Variants in GUSB observed in about 807,000 individuals in gnomAD.
GUSB encodes glucuronidase beta.
A neutral mutation model predicts 74.6 loss-of-function variants in GUSB; 51 were observed. That is an observed-to-expected ratio of 0.68 (90% CI 0.55 to 0.86). The LOEUF is 0.86. Among genes scored for constraint, GUSB ranks in the 40% least tolerant of loss-of-function variants. The pLI, the probability that GUSB is intolerant of heterozygous loss-of-function variation, is 0.00. For synonymous variants in GUSB, 360 were observed against 348.3 expected (o/e 1.03, Z -0.37); for missense variants, 736 against 853.7 (o/e 0.86, Z 1.72).
chr7:65,965,779 C>A (rs1268360092), intron 10 of GUSB, among the ~76,000 whole-genome samples: 1 of 152,164 alleles, frequency 6.6e-6, no homozygotes, highest in Non-Finnish European at 1.5e-5. Context: ...CTGACCTTGG[C>A]CTCCCAAAGT....
At chr7:65,973,055 G>A (rs1286339442) in intron 8 of GUSB, among the ~76,000 whole-genome samples, 2 of 152,222 alleles carry the variant, frequency 1.3e-5, no homozygotes, top group Non-Finnish European at 2.9e-5. Flanking sequence ...AGGGGGCCAG[G>A]TGTGGTGGTT....
intron 10 of GUSB, among the ~76,000 whole-genome samples, chr7:65,965,062 C>T (rs181502657): frequency 0.03 from 4,502 of 150,428 alleles, 102 homozygotes; most frequent in Middle Eastern, 0.053. Flanking sequence ...CAGTGAGACC[C>T]TGTCTCTAAT....
intron 11 of GUSB, 87 bp downstream of exon 11, chr7:65,964,236 T>A: frequency 8.6e-7 from 1 of 1,164,132 alleles, no homozygotes; most frequent in East Asian, 2.3e-5. Flanking sequence ...TTTCCAATAT[T>A]CTTACAATTG....
intron 1 of GUSB, 127 bp from the exon 2 acceptor site, chr7:65,980,536 A>G (rs569891736): frequency 1.1e-6 from 1 of 872,282 alleles, no homozygotes; most frequent in East Asian, 2.7e-5. Flanking sequence ...GGCAGAAAGG[A>G]CAGATAACTT....
chr7:65,970,374 C>T lies in GUSB; in HGVS notation c.1392-8G>A, dbSNP rs1241978644. On this transcript the variant is annotated splice_region_variant and splice_polypyrimidine_tract_variant and intron_variant, in intron 8 of 11. Coordinates refer to ENST00000304895, the MANE Select transcript of GUSB (RefSeq NM_000181.4). The stretch of plus-strand genomic sequence containing the variant: ...GTGTGAGCGATCACCATCCTGTCCA[C>T]AAAAGGCAGAAGAAACAGGTTCCAT... 1.2e-6 allele frequency: 2 copies of T among 1,604,310 alleles called. No homozygotes were observed. The highest frequency in any genetic ancestry group is 4.5e-5 in the East Asian group (2 of 44,774).
intron 4 of GUSB, 36 bp downstream of exon 4, chr7:65,979,362 TG>T: frequency 6.4e-7 from 1 of 1,564,524 alleles, no homozygotes; most frequent in Non-Finnish European, 8.7e-7. Context: ...AGAGCCACCC[TG>T]GGCCCCGCTG....
chr7:65,978,899 G>T (rs1209201013), intron 4 of GUSB, among the ~76,000 whole-genome samples: 4 of 152,118 alleles, frequency 2.6e-5, no homozygotes, highest in Non-Finnish European at 5.9e-5. Flanking sequence ...TGCCTCAGCA[G>T]CTGGGACTAC....
Position 65,979,750 on chromosome 7 carries a change from G to T in GUSB, c.558C>A (p.Ile186=). Residue 186 remains isoleucine, a synonymous_variant, in exon 3 of 12, where the codon ATC becomes ATA. Transcript: ENST00000304895. The part of the protein sequence containing the change: ...LTPTTLPPGT[I]QYLTDTSKYP... ...ACTTGGAGGTGTCAGTCAGGTATTG[G>T]ATGGTCCCTGGTGGCAGGGTGGTGG... The T allele has an allele frequency of 6.2e-7, 1 of 1,613,852 alleles. No homozygotes were observed. Among genetic ancestry groups the T allele is most frequent in the Non-Finnish European group, 8.5e-7 (1 of 1,180,004 alleles).
At chr7:65,972,530 C>T (rs1325271452) in intron 8 of GUSB, among the ~76,000 whole-genome samples, 1 of 152,100 alleles carries the variant, frequency 6.6e-6, no homozygotes, top group African/African-American at 2.4e-5. Context: ...TACGCCCTCC[C>T]CCATCATTGC....
intron 11 of GUSB, among the ~76,000 whole-genome samples, chr7:65,963,917 CAAGT>C (rs1248181544): frequency 1.3e-5 from 2 of 152,164 alleles, no homozygotes; most frequent in African/African-American, 2.4e-5. Context: ...CTGCTTTTCG[CAAGT>C]AATATACAAC....
intron 2 of GUSB, 78 bp from the exon 3 acceptor site, chr7:65,979,989 C>A: frequency 8.2e-7 from 1 of 1,224,622 alleles, no homozygotes; most frequent in Non-Finnish European, 1.2e-6. Context: ...CACTCCCTCA[C>A]ATAACCTGCA....
chr7:65,967,938 A>C (rs767814273), intron 9 of GUSB, 31 bp from the exon 10 acceptor site: 3 of 1,579,982 alleles, frequency 1.9e-6, no homozygotes, highest in South Asian at 2.2e-5. Context: ...CCCGTTCAGC[A>C]CTCAGTAGAC....
chr7:65,974,946 G>A lies in GUSB; in HGVS notation c.1038C>T (p.His346=), dbSNP rs773187021. 5.6e-6 allele frequency: 9 copies of A among 1,613,754 alleles called. No individual in the cohort carries two copies. Among genetic ancestry groups the A allele is most frequent in the East Asian group, 2.2e-5 (1 of 44,890 alleles). The part of the protein sequence containing the change: ...FLINGKPFYF[H]GVNKHEDADI... ...CCGCATCCTCATGCTTGTTGACACC[G>A]TGGAAATAGAAAGGTTTCCCATTGA... Residue 346 remains histidine, a synonymous_variant, in exon 6 of 12, where the codon CAC becomes CAT. Coordinates refer to ENST00000304895, the MANE Select transcript of GUSB (RefSeq NM_000181.4).
At position 65,960,767 on chromosome 7, in the gene GUSB, T is replaced by G. The variant is rs893612668; in HGVS notation, c.*130A>C. On this transcript the variant is annotated 3_prime_UTR_variant, in exon 12 of 12. Transcript: ENST00000304895. ...CCACCTTTAGTGTTCCCTGCTAGAA[T>G]AGATGACCACAAAACCCAGGCCAGA... 7.7e-6 allele frequency: 6 copies of G among 784,178 alleles called. No individual in the cohort carries two copies. In the African/African-American group the frequency reaches 1.0e-4, roughly 13 times the overall value. 48.6% of individuals were successfully genotyped at this position (784,178 alleles called of 1,614,324 possible). A position where few individuals can be genotyped will look rare whatever the true frequency, so the allele number is the denominator to read the frequency against.
intron 1 of GUSB, chr7:65,980,762 C>G: frequency 2.6e-6 from 1 of 383,900 alleles, no homozygotes; most frequent in South Asian, 2.2e-5. Flanking sequence ...ATGGGGGGAG[C>G]TTTGCTTAGG....
chr7:65,962,431 A>G (rs1373064222), intron 11 of GUSB, among the ~76,000 whole-genome samples: 2 of 152,252 alleles, frequency 1.3e-5, no homozygotes, highest in African/African-American at 4.8e-5. Flanking sequence ...TGTTTCTTCC[A>G]TAAGTGAACA....
At chr7:65,967,575 G>A (rs1790917841) in intron 10 of GUSB, among the ~76,000 whole-genome samples, 156 bp downstream of exon 10, 1 of 152,186 alleles carries the variant, frequency 6.6e-6, no homozygotes, top group Non-Finnish European at 1.5e-5. Context: ...GCACAGGCCT[G>A]GCTGTTGGCG....
rs776242697 is a variant in GUSB at position 65,967,740 on chromosome 7, C to T, written c.1644G>A (p.Gly548=). The T allele has an allele frequency of 1.9e-6, 3 of 1,613,484 alleles. No individual in the cohort carries two copies. Among genetic ancestry groups the T allele is most frequent in the Non-Finnish European group, 2.5e-6 (3 of 1,179,744 alleles). The change falls in exon 10 of 12, where the codon GGG becomes GGA. Residue 548 remains glycine, a synonymous_variant. Coordinates refer to ENST00000304895, the MANE Select transcript of GUSB (RefSeq NM_000181.4). ...GCTCAACACTGCTTACCTGGTGAAA[C>T]CCTGCAATCGTTTCTGCTCCATACT... The part of the protein sequence containing the change: ...QSEYGAETIA[G]FHQDPPLMFT...
At position 65,979,439 on chromosome 7, in the gene GUSB, G is replaced by A. The variant is rs375590538; in HGVS notation, c.684C>T (p.Ile228=). The change falls in exon 4 of 12, where the codon ATC becomes ATT. Residue 228 remains isoleucine, a synonymous_variant. Transcript: ENST00000304895. ...CGCTGGTGGTGACGGTGATGTCATCGATGTAGGTGGTGGGTGTCGTGTACA... is the reference window on the plus strand; with the variant it reads ...CGCTGGTGGTGACGGTGATGTCATCAATGTAGGTGGTGGGTGTCGTGTACA... ...VLLYTTPTTY[I]DDITVTTSVE... 8.9e-5 allele frequency: 143 copies of A among 1,613,940 alleles called. No homozygotes were observed. Among genetic ancestry groups the A allele is most frequent in the Non-Finnish European group, 1.1e-4 (131 of 1,179,850 alleles).
Sources: gnomAD v4.1 joint callset for allele counts (sites outside exome capture counted in the v4.1 genomes callset) on GRCh38, gnomAD v4.1.1 for gene constraint, MANE v1.5 for transcripts, NCBI Gene and HGNC (gene_info 2026-07-23, HGNC 2026-07-21) for gene names.